The following SVIL variants were observed in gnomAD, a reference collection of about 807,000 sequenced individuals.
SVIL encodes supervillin, also known as archvillin.
SVIL carries 101 observed loss-of-function variants against 240.4 expected under a neutral mutation model. That is an observed-to-expected ratio of 0.42 (90% CI 0.36 to 0.50). The LOEUF is 0.50. Ranked by LOEUF, SVIL falls within the 20% of genes least tolerant of loss-of-function variation. SVIL has a pLI of 0.01. For missense variants in SVIL, 2,512 were observed against 2,818.7 expected, an observed-to-expected ratio of 0.89 and a Z score of 2.46; for synonymous variants, 999 against 1,100.0, an observed-to-expected ratio of 0.91 and a Z score of 1.82.
At chr10:29,513,925 T>C (rs972807155) in intron 16 of SVIL, among the ~76,000 whole-genome samples, 3 of 148,720 alleles carry the variant, frequency 2.0e-5, no homozygotes, top group Non-Finnish European at 4.4e-5. Flanking sequence ...CTGTATTGCA[T>C]GAATGAAGAA....
chr10:29,518,634 T>C (rs1438094201), intron 16 of SVIL, among the ~76,000 whole-genome samples: 1 of 152,160 alleles, frequency 6.6e-6, no homozygotes, highest in Non-Finnish European at 1.5e-5. Flanking sequence ...GGCAGGCAGA[T>C]CACCTGAGGT....
intron 3 of SVIL, among the ~76,000 whole-genome samples, chr10:29,561,237 T>C (rs1198001593): frequency 6.6e-6 from 1 of 152,182 alleles, no homozygotes; most frequent in Non-Finnish European, 1.5e-5. Context: ...TTATTTTTTA[T>C]AATCATTTAT....
At chr10:29,674,054 A>G (rs1348339628) in intron 2 of SVIL, among the ~76,000 whole-genome samples, 1 of 152,180 alleles carries the variant, frequency 6.6e-6, no homozygotes, top group Non-Finnish European at 1.5e-5. Context: ...GGTGGGGCCA[A>G]GCACAGTGGA....
intron 5 of SVIL, among the ~76,000 whole-genome samples, chr10:29,552,210 T>G (rs1330927739): frequency 7.3e-6 from 1 of 137,450 alleles, no homozygotes; most frequent in Non-Finnish European, 1.6e-5. Flanking sequence ...AATTTTTTCT[T>G]TATAAAATAG....
Position 29,484,947 on chromosome 10 carries a change from C to G in SVIL, c.4780-116G>C, listed in dbSNP as rs745592421. The G allele has an allele frequency of 5.3e-6, 6 of 1,122,910 alleles. No homozygotes were observed. Among genetic ancestry groups the G allele is most frequent in the African/African-American group, 1.6e-5 (1 of 62,958 alleles). 69.6% of individuals were successfully genotyped at this position (1,122,910 alleles called of 1,614,324 possible). On this transcript the variant is annotated intron_variant, in intron 26 of 37. Coordinates refer to ENST00000355867, the MANE Select transcript of SVIL (RefSeq NM_021738.3). This position sits in a 1 kb window ranked among gnomAD's most constrained non-coding sequence, Gnocchi z 4.7. ...AAACGGAGGAAGACAGAAATCCTAA[C>G]GGGGCGACCAACACAGACACAAAAA...
At chr10:29,620,158 T>C (rs796112348) in intron 1 of SVIL, among the ~76,000 whole-genome samples, 5 of 152,258 alleles carry the variant, frequency 3.3e-5, no homozygotes, top group African/African-American at 1.2e-4. Flanking sequence ...AAAATTATCA[T>C]TGCACACATT....
At chr10:29,670,114 C>CA (rs1166569293) in intron 2 of SVIL, among the ~76,000 whole-genome samples, 2,174 of 132,048 alleles carry the variant, frequency 0.016, 57 homozygotes, top group African/African-American at 0.053. Context: ...GACTCCATCT[C>CA]AAAAAAAAAA....
chr10:29,668,735 G>A (rs1298435259), intron 2 of SVIL, among the ~76,000 whole-genome samples: 2 of 152,178 alleles, frequency 1.3e-5, no homozygotes. Flanking sequence ...TGGCCTCCCT[G>A]AGGGTTGGGA....
chr10:29,509,091 A>G (rs1343235865), intron 17 of SVIL, among the ~76,000 whole-genome samples: 1 of 152,184 alleles, frequency 6.6e-6, no homozygotes, highest in Non-Finnish European at 1.5e-5. Flanking sequence ...ACTCTGGAGG[A>G]AAGTGTACAC....
intron 36 of SVIL, among the ~76,000 whole-genome samples, chr10:29,459,876 A>C (rs1250990896): frequency 6.6e-6 from 1 of 152,134 alleles, no homozygotes; most frequent in East Asian, 1.9e-4. Flanking sequence ...AGAGTCCTTG[A>C]ATCCAGGAGT....
chr10:29,664,157 T>G (rs1959190007), intron 2 of SVIL, among the ~76,000 whole-genome samples: 1 of 152,206 alleles, frequency 6.6e-6, no homozygotes, highest in African/African-American at 2.4e-5. Flanking sequence ...GATGTTCTGA[T>G]TCAAGGATAT....
At chr10:29,736,309 T>C (rs1461819173), upstream of SVIL, among the ~76,000 whole-genome samples, 1 of 152,194 alleles carries the variant, frequency 6.6e-6, no homozygotes, top group African/African-American at 2.4e-5. Context: ...TTTACTTTGT[T>C]TGGAAACTAA....
In SVIL at chr10:29,533,012, C is replaced by T; in HGVS notation, c.1355G>A (p.Ser452Asn). Residue 452 changes from serine to asparagine, a missense_variant, in exon 8 of 38, where the codon AGC (serine) becomes AAC (asparagine). Ser to Asn is a conservative substitution (Grantham distance 46). Transcript: ENST00000355867. Reference protein sequence around the residue: ...DVCFTEALEQSKKTLLALEGD... With the variant: ...DVCFTEALEQNKKTLLALEGD... ...CTCCAAAGCCAGTAGGGTTTTCTTGCTTTGCTCGAGAGCTTCAGTGAAGCA... is the reference window on the plus strand; with the variant it reads ...CTCCAAAGCCAGTAGGGTTTTCTTGTTTTGCTCGAGAGCTTCAGTGAAGCA... The T allele has an allele frequency of 6.2e-7, 1 of 1,614,148 alleles. No homozygotes were observed. Among genetic ancestry groups the T allele is most frequent in the East Asian group, 2.2e-5 (1 of 44,882 alleles).
chr10:29,506,702 ACGAGGGAGGGGAT>A (rs1949339260), intron 17 of SVIL, among the ~76,000 whole-genome samples: 1 of 131,488 alleles, frequency 7.6e-6, no homozygotes, highest in African/African-American at 2.8e-5. Flanking sequence ...CAGAGGCCCT[ACGAGGGAGGGGAT>A]AGAGACTCTA....
chr10:29,590,456 A>C (rs1956348965), intron 1 of SVIL, among the ~76,000 whole-genome samples: 1 of 152,180 alleles, frequency 6.6e-6, no homozygotes, highest in South Asian at 2.1e-4. Flanking sequence ...TGCCAACCGC[A>C]TGGACAGAAT....
intron 12 of SVIL, among the ~76,000 whole-genome samples, chr10:29,527,505 C>T (rs989277254): frequency 3.3e-5 from 5 of 152,098 alleles, no homozygotes; most frequent in Non-Finnish European, 7.4e-5. Flanking sequence ...TGGCTCACTG[C>T]AAACTCCGCC....
chr10:29,695,454 T>G (rs1961854099), intron 1 of SVIL, among the ~76,000 whole-genome samples: 1 of 152,022 alleles, frequency 6.6e-6, no homozygotes, highest in South Asian at 2.1e-4. Context: ...TTTAAAAAAT[T>G]TAAAAAATAG....
At chr10:29,551,288 A>G (rs1953306037) in intron 5 of SVIL, 25 bp from the exon 6 acceptor site, 1 of 1,552,798 alleles carries the variant, frequency 6.4e-7, no homozygotes, top group South Asian at 1.2e-5. Flanking sequence ...CATGGATGAG[A>G]GGTGCAGATT....
At chr10:29,695,857 C>CG (rs1203891043) in intron 1 of SVIL, among the ~76,000 whole-genome samples, 11 of 64,106 alleles carry the variant, frequency 1.7e-4, no homozygotes, top group Non-Finnish European at 2.1e-4. Flanking sequence ...CTCCCTCTCC[C>CG]TCTCCCGTCT....
Sources: allele counts gnomAD v4.1 joint callset (sites outside exome capture counted in the v4.1 genomes callset), GRCh38; gene constraint gnomAD v4.1.1; non-coding constraint Gnocchi (gnomAD v3.1); transcripts MANE v1.5; gene names NCBI Gene and HGNC (gene_info 2026-07-23, HGNC 2026-07-21).